BAHCC1: variants seen among roughly 807,000 people sequenced by gnomAD.
BAHCC1 encodes the protein BAH and coiled-coil domain-containing protein 1.
Under a neutral mutation model 88.2 loss-of-function variants are expected in BAHCC1, and 43 were observed. The observed-to-expected ratio is 0.49, with a 90% confidence interval of 0.38 to 0.63. The LOEUF (loss-of-function observed/expected upper bound fraction) is 0.63. Among genes scored for constraint, BAHCC1 ranks in the 20% least tolerant of loss-of-function variants. BAHCC1 has a pLI of 0.00. For synonymous variants in BAHCC1, 1,510 were observed against 745.5 expected, an observed-to-expected ratio of 2.03 and a Z score of -16.71; for missense variants, 3,023 against 1,654.8, an observed-to-expected ratio of 1.83 and a Z score of -14.34.
chr17:81,443,189 CAGCAGGCGGCTCT>C lies in BAHCC1; in HGVS notation c.1841_1853del (p.Gln614LeufsTer16), dbSNP rs1555653205. 1 of 779,206 alleles carries C rather than the reference CAGCAGGCGGCTCT, an allele frequency of 1.3e-6. No homozygotes were observed. Among genetic ancestry groups the C allele is most frequent in the East Asian group, 2.4e-5 (1 of 41,248 alleles). The allele number at this position is 779,206 out of a possible 1,614,324, so 48.3% of individuals were successfully genotyped here. A position where few individuals can be genotyped will look rare whatever the true frequency, so the allele number is the denominator to read the frequency against. On this transcript the variant is annotated frameshift_variant, in exon 5 of 28. Coordinates refer to ENST00000675386, the MANE Select transcript of BAHCC1 (RefSeq NM_001377448.1). LOFTEE classifies it high-confidence loss of function. ...CCTGGACCCCTTTGGCAGTGGCCTG[CAGCAGGCGGCTCT>C]TCTGCCCCAGGAACTGCCTGCGCCG...
intron 26 of BAHCC1, chr17:81,462,422 G>T: frequency 4.0e-6 from 2 of 500,684 alleles, no homozygotes; most frequent in Non-Finnish European, 3.5e-6. Context: ...GGGGGCGCAT[G>T]TGGGGCCACT....
At chr17:81,463,107 G>A (rs1406731719) in intron 27 of BAHCC1, 131 bp downstream of exon 27, 13 of 619,400 alleles carry the variant, frequency 2.1e-5, no homozygotes, top group Admixed American at 2.7e-5. Flanking sequence ...CAGGTACCAC[G>A]GCCCTGCAGG....
intron 1 of BAHCC1, among the ~76,000 whole-genome samples, chr17:81,397,513 C>G (rs1236274595): frequency 2.0e-5 from 3 of 152,172 alleles, no homozygotes; most frequent in Non-Finnish European, 2.9e-5. Context: ...CGGCCTTCGG[C>G]GCCTTTGAAG....
At chr17:81,432,891 CCCA>C (rs2064284005) in intron 3 of BAHCC1, among the ~76,000 whole-genome samples, 1 of 12,794 alleles carries the variant, frequency 7.8e-5, no homozygotes, top group African/African-American at 7.3e-4. Context: ...AACCTCCCCC[CCCA>C]TCCCCAGGCC....
intron 26 of BAHCC1, among the ~76,000 whole-genome samples, chr17:81,462,282 G>A (rs973077673): frequency 1.3e-5 from 2 of 152,202 alleles, no homozygotes; most frequent in Admixed American, 6.5e-5. Context: ...GCTTCATGTC[G>A]GGCCGGGCCT....
At chr17:81,428,738 ACT>A (rs1157467962) in intron 3 of BAHCC1, among the ~76,000 whole-genome samples, 4 of 151,926 alleles carry the variant, frequency 2.6e-5, no homozygotes, top group Non-Finnish European at 5.9e-5. Context: ...GCCTCTAGAC[ACT>A]CACTTCCCCT....
chr17:81,420,219 G>A (rs1477215687), intron 2 of BAHCC1, among the ~76,000 whole-genome samples: 5 of 152,224 alleles, frequency 3.3e-5, no homozygotes, highest in Non-Finnish European at 5.9e-5. Flanking sequence ...ATGGCAAGGA[G>A]CCTGGAAGAC....
intron 4 of BAHCC1, 99 bp from the exon 5 acceptor site, chr17:81,441,732 A>T (rs1443019388): frequency 2.1e-6 from 1 of 475,356 alleles, no homozygotes; most frequent in Non-Finnish European, 3.8e-6. Flanking sequence ...AGTCAGTGCC[A>T]GCTGGTGTCC....
intron 3 of BAHCC1, among the ~76,000 whole-genome samples, chr17:81,427,306 C>T (rs1275388760): frequency 3.9e-5 from 6 of 152,292 alleles, no homozygotes; most frequent in African/African-American, 1.4e-4. Context: ...GGGCTGGGCT[C>T]ACCCTCACAG....
In BAHCC1 at chr17:81,447,287, C is replaced by T. The variant is rs370722185; in HGVS notation, c.3415C>T (p.Arg1139Trp). ...DLAATPYPTERGPQGKAADPS... is the reference protein window; with the variant it reads ...DLAATPYPTEWGPQGKAADPS... ...TGCCGCCACCCCCTACCCTACCGAGCGGGGACCCCAGGGGAAGGCAGCGGA... is the reference window on the plus strand; with the variant it reads ...TGCCGCCACCCCCTACCCTACCGAGTGGGGACCCCAGGGGAAGGCAGCGGA... Residue 1139 changes from arginine (R) to tryptophan (W), a missense_variant, in exon 11 of 28, where the codon CGG (arginine) becomes TGG (tryptophan). Transcript: ENST00000675386. The T allele has an allele frequency of 1.8e-5, 13 of 729,058 alleles. No individual in the cohort carries two copies. The highest frequency in any genetic ancestry group is 1.2e-4 in the East Asian group (5 of 40,052). The allele number at this position is 729,058 out of a possible 1,614,324, so 45.2% of individuals were successfully genotyped here. A position where few individuals can be genotyped will look rare whatever the true frequency, so the allele number is the denominator to read the frequency against.
chr17:81,401,933 G>T (rs1276912161), intron 2 of BAHCC1: 2 of 152,320 alleles, frequency 1.3e-5, no homozygotes, highest in African/African-American at 4.8e-5. Flanking sequence ...GGGTAGGTGG[G>T]CGCCTGGTCG....
chr17:81,438,324 A>G (rs1337056770), intron 3 of BAHCC1, 46 bp from the exon 4 acceptor site: 5 of 774,918 alleles, frequency 6.5e-6, no homozygotes, highest in African/African-American at 5.1e-5. Flanking sequence ...AGTGTGGGCC[A>G]GGGGGCTGGG....
Position 81,399,614 on chromosome 17 carries a change from C to T in BAHCC1, c.-126C>T. 1.7e-6 allele frequency: 1 copy of T among 597,522 alleles called. No homozygotes were observed. Among genetic ancestry groups the T allele is most frequent in the African/African-American group, 2.0e-5 (1 of 49,062 alleles). 37.0% of individuals were successfully genotyped at this position (597,522 alleles called of 1,614,324 possible). ...CCAGTCCTCCCGCGTGCTGACCGGC[C>T]CCGCCGCCACCACCGCCTGTGACCC... On this transcript the variant is annotated 5_prime_UTR_variant, in exon 2 of 28. Coordinates refer to ENST00000675386, the MANE Select transcript of BAHCC1 (RefSeq NM_001377448.1). The surrounding 1 kb of genome is among the most constrained non-coding windows in gnomAD (Gnocchi z 4.5).
chr17:81,398,950 CTT>C (rs1229582128), intron 1 of BAHCC1, among the ~76,000 whole-genome samples: 1 of 150,856 alleles, frequency 6.6e-6, no homozygotes, highest in Non-Finnish European at 1.5e-5. Context: ...AAAAAAAACT[CTT>C]GAGTTACAAT....
chr17:81,416,581 G>A, intron 2 of BAHCC1, among the ~76,000 whole-genome samples: 1 of 140,930 alleles, frequency 7.1e-6, no homozygotes, highest in East Asian at 2.2e-4. Flanking sequence ...GTGTGTGTGT[G>A]TCCGTGAGGA....
intron 2 of BAHCC1, among the ~76,000 whole-genome samples, chr17:81,403,479 C>G (rs2063841502): frequency 3.3e-5 from 1 of 29,932 alleles, no homozygotes; most frequent in South Asian, 2.3e-3. Context: ...TACCGCCAAT[C>G]TCAAAAAAAA....
chr17:81,462,687 T>A, intron 26 of BAHCC1, 53 bp from the exon 27 acceptor site: 1 of 711,820 alleles, frequency 1.4e-6, no homozygotes, highest in Non-Finnish European at 2.6e-6. Context: ...GGCCGCCACC[T>A]GTCCCCACAG....
intron 3 of BAHCC1, among the ~76,000 whole-genome samples, chr17:81,430,430 A>G (rs967679952): frequency 3.3e-5 from 5 of 152,066 alleles, no homozygotes; most frequent in African/African-American, 7.2e-5. Flanking sequence ...CTTGGTCAGA[A>G]CCACGCCCCA....
chr17:81,411,896 A>G lies in BAHCC1; in HGVS notation c.178+11979A>G, dbSNP rs1372434602. Among the ~76,000 whole-genome samples the G allele has an allele frequency of 6.6e-6, 1 of 152,058 alleles. No individual in the cohort carries two copies. The highest frequency in any genetic ancestry group is 1.5e-5 in the Non-Finnish European group (1 of 68,006). On this transcript the variant is annotated intron_variant, in intron 2 of 27. Transcript: ENST00000675386. This position sits in a 1 kb window ranked among gnomAD's most constrained non-coding sequence, Gnocchi z 6.2. ...CACTCTTCCCTCCAGCTCAGCGCTT[A>G]CCATCGTATCCCTGCATCCGAGGGT...
Sources: gnomAD v4.1 joint callset for allele counts (sites outside exome capture counted in the v4.1 genomes callset) on GRCh38, gnomAD v4.1.1 for gene constraint, Gnocchi (gnomAD v3.1) non-coding constraint, MANE v1.5 for transcripts, NCBI Gene and HGNC (gene_info 2026-07-23, HGNC 2026-07-21) for gene names.